The following EVA1C variants were observed in gnomAD, a reference collection of about 807,000 sequenced individuals.
EVA1C encodes the protein eva-1 homolog C, also known as protein eva-1 homolog C.
EVA1C carries 25 observed loss-of-function variants against 45.4 expected under a neutral mutation model. The observed-to-expected ratio is 0.55, with a 90% CI of 0.40 to 0.77. EVA1C has a LOEUF of 0.77. Ranked by LOEUF, EVA1C falls within the 30% of genes least tolerant of loss-of-function variation. The pLI is 0.00. For missense variants in EVA1C, 479 were observed against 554.8 expected (o/e 0.86, Z 1.37); for synonymous variants, 190 against 221.2 (o/e 0.86, Z 1.25).
chr21:32,429,555 T>C (rs34611453), intron 1 of EVA1C, among the ~76,000 whole-genome samples: 5,256 of 151,912 alleles, frequency 0.035, 129 homozygotes, highest in Non-Finnish European at 0.053. Flanking sequence ...GGTTTCACCA[T>C]GTTGGCCAGG....
chr21:32,500,479 T>C (rs1362579787), intron 5 of EVA1C, among the ~76,000 whole-genome samples: 1 of 152,090 alleles, frequency 6.6e-6, no homozygotes, highest in Non-Finnish European at 1.5e-5. Context: ...TGAGGTGTTA[T>C]TTTCCTTAAA....
chr21:32,423,169 A>G (rs2034355758), intron 1 of EVA1C, among the ~76,000 whole-genome samples: 1 of 148,852 alleles, frequency 6.7e-6, no homozygotes, highest in Non-Finnish European at 1.5e-5. Flanking sequence ...CTGCTGAGGG[A>G]GTATAATCTT....
intron 1 of EVA1C, among the ~76,000 whole-genome samples, chr21:32,444,672 A>T (rs2035303728): frequency 6.6e-6 from 1 of 152,130 alleles, no homozygotes; most frequent in Admixed American, 6.5e-5. Flanking sequence ...GCCATTAGTG[A>T]CCAATATAAC....
chr21:32,481,255 A>G (rs1309206081), intron 4 of EVA1C, among the ~76,000 whole-genome samples: 1 of 152,192 alleles, frequency 6.6e-6, no homozygotes, highest in Non-Finnish European at 1.5e-5. Context: ...CAATGCAGGT[A>G]GCTTATACAG....
rs143511564 is a variant in EVA1C at position 32,436,767 on chromosome 21, G to A, written c.161-16545G>A. On this transcript the variant is annotated intron_variant, in intron 1 of 7. Coordinates refer to ENST00000300255, the MANE Select transcript of EVA1C (RefSeq NM_058187.5). Reference sequence around the variant, plus strand: ...CCCAAGATTCTATGCTCAGGGCACGGCAGACACGCCATGGGGAGTGTGGTG... The same window carrying A: ...CCCAAGATTCTATGCTCAGGGCACGACAGACACGCCATGGGGAGTGTGGTG... 4.2e-3 allele frequency among the ~76,000 whole-genome samples: 643 copies of A among 152,384 alleles called. 4 individuals carry two copies. The highest frequency in any genetic ancestry group is 0.026 in the Admixed American group (402 of 15,298).
chr21:32,473,795 C>A (rs2036464499), intron 4 of EVA1C: 2 of 366,498 alleles, frequency 5.5e-6, no homozygotes, highest in Non-Finnish European at 7.6e-6. Context: ...TCTATCTGAG[C>A]CAAGGAGAAA....
intron 4 of EVA1C, among the ~76,000 whole-genome samples, chr21:32,482,527 C>A (rs1014941195): frequency 1.3e-5 from 2 of 152,182 alleles, no homozygotes; most frequent in Admixed American, 1.3e-4. Flanking sequence ...TGCCCAGTCC[C>A]TGGGGTACCT....
chr21:32,470,600 T>C (rs1254650722), intron 4 of EVA1C, among the ~76,000 whole-genome samples: 1 of 152,084 alleles, frequency 6.6e-6, no homozygotes, highest in Non-Finnish European at 1.5e-5. Flanking sequence ...CGTGTGTTCA[T>C]TTCTCTCTCT....
At chr21:32,511,964 A>G (rs920687649) in intron 7 of EVA1C, among the ~76,000 whole-genome samples, 4 of 152,164 alleles carry the variant, frequency 2.6e-5, no homozygotes, top group Non-Finnish European at 4.4e-5. Flanking sequence ...TATAGCCAAG[A>G]CAGTGAAATA....
chr21:32,512,690 G>A (rs1196069548), intron 7 of EVA1C, among the ~76,000 whole-genome samples: 3 of 152,170 alleles, frequency 2.0e-5, no homozygotes, highest in African/African-American at 7.2e-5. Context: ...ATAAATGGAT[G>A]GGATTCAGCT....
At chr21:32,457,839 C>T in intron 3 of EVA1C, 119 bp downstream of exon 3, 1 of 1,096,536 alleles carries the variant, frequency 9.1e-7, no homozygotes, top group Non-Finnish European at 1.3e-6. Flanking sequence ...TTAACAGACA[C>T]ATTGGGCTCC....
intron 3 of EVA1C, among the ~76,000 whole-genome samples, chr21:32,459,049 T>C (rs1204465459): frequency 1.3e-5 from 2 of 152,088 alleles, no homozygotes; most frequent in Non-Finnish European, 2.9e-5. Flanking sequence ...TGCCCTGTGT[T>C]CTTCTAACAC....
rs568798534 is a variant in EVA1C at position 32,506,652 on chromosome 21, T to C, written c.949+2637T>C. On this transcript the variant is annotated intron_variant, in intron 7 of 7. Transcript: ENST00000300255. ...TGGTGTGTCTATGTCGCTGTCTGGG[T>C]GGCCACTCTAGAGGTGGGAAGCATG... Among the ~76,000 whole-genome samples the C allele has an allele frequency of 7.2e-5, 11 of 152,108 alleles. No homozygotes were observed. The South Asian group carries it at 2.3e-3, about 32-fold the overall frequency.
At chr21:32,415,523 CG>C (rs1421881130) in intron 1 of EVA1C, among the ~76,000 whole-genome samples, 1 of 152,062 alleles carries the variant, frequency 6.6e-6, no homozygotes, top group Non-Finnish European at 1.5e-5. Context: ...CTCTTCTTTG[CG>C]GCTCTTCCTT....
chr21:32,502,664 C>T (rs1045795679), intron 6 of EVA1C, among the ~76,000 whole-genome samples: 1 of 152,134 alleles, frequency 6.6e-6, no homozygotes, highest in Non-Finnish European at 1.5e-5. Flanking sequence ...TATGAAAGCA[C>T]CCCTACTCCA....
At chr21:32,457,198 A>G (rs1960282473) in intron 2 of EVA1C, among the ~76,000 whole-genome samples, 1 of 152,210 alleles carries the variant, frequency 6.6e-6, no homozygotes, top group South Asian at 2.1e-4. Context: ...TGATGGTCAC[A>G]GCTCTCTCAG....
intron 7 of EVA1C, among the ~76,000 whole-genome samples, chr21:32,509,935 C>T (rs568679813): frequency 1.2e-4 from 18 of 150,980 alleles, no homozygotes; most frequent in Admixed American, 9.3e-4. Flanking sequence ...CGGAAGTTCT[C>T]GGGAGTTGAA....
chr21:32,485,376 C>T (rs1038100092), intron 4 of EVA1C, among the ~76,000 whole-genome samples: 7 of 152,118 alleles, frequency 4.6e-5, no homozygotes, highest in Non-Finnish European at 1.0e-4. Flanking sequence ...GCCATGTTGG[C>T]CAGGCTGGTC....
intron 1 of EVA1C, among the ~76,000 whole-genome samples, chr21:32,434,547 C>T (rs1186416227): frequency 8.6e-5 from 13 of 151,776 alleles, no homozygotes; most frequent in African/African-American, 2.4e-4. Context: ...GCCGAGATAG[C>T]GCCACTGCAC....
Sources: gnomAD v4.1 joint callset for allele counts (sites outside exome capture counted in the v4.1 genomes callset) on GRCh38, gnomAD v4.1.1 for gene constraint, MANE v1.5 for transcripts, NCBI Gene and HGNC (gene_info 2026-07-23, HGNC 2026-07-21) for gene names.